Variants in TMEM131 observed in about 807,000 individuals in gnomAD.
The protein encoded by TMEM131 is 2610524E03Rik.
TMEM131 carries 66 observed loss-of-function variants against 211.6 expected under a neutral mutation model. The ratio of observed to expected loss-of-function variants is 0.31; its 90% CI spans 0.26 to 0.38. The LOEUF (loss-of-function observed/expected upper bound fraction) is 0.38, where lower values mean the gene tolerates loss of function less well. Ranked by LOEUF, TMEM131 falls within the 10% of genes least tolerant of loss-of-function variation. TMEM131 has a pLI of 1.00. For missense variants in TMEM131, 2,036 were observed against 2,299.3 expected, an observed-to-expected ratio of 0.89 and a Z score of 2.34; for synonymous variants, 844 against 841.3, an observed-to-expected ratio of 1.00 and a Z score of -0.06.
At chr2:97,813,938 A>AG in intron 15 of TMEM131, 33 bp downstream of exon 15, 1 of 1,487,414 alleles carries the variant, frequency 6.7e-7, no homozygotes, top group Non-Finnish European at 9.1e-7. Context: ...GTGGGCAGGG[A>AG]GTTTAAATGT....
intron 1 of TMEM131, among the ~76,000 whole-genome samples, chr2:97,972,854 AAGGAATGT>A (rs950674810): frequency 6.6e-6 from 1 of 152,204 alleles, no homozygotes; most frequent in Non-Finnish European, 1.5e-5. Flanking sequence ...GCTACAAGCC[AAGGAATGT>A]AGGTGGCCTC....
In TMEM131 at chr2:97,792,444, G is replaced by C; in HGVS notation, c.4086C>G (p.Asp1362Glu). Residue 1362 changes from aspartate to glutamate, a missense_variant, in exon 31 of 41, where the codon GAC becomes GAG. Physicochemically the swap from Asp to Glu is conservative, Grantham distance 45. This residue lies in a region of TMEM131 where 1,623 missense variants were observed against 1,805.9 expected (regional missense o/e 0.90). Coordinates refer to ENST00000186436, the MANE Select transcript of TMEM131 (RefSeq NM_015348.2). ...EAMDKDFDHHDSPALEVFTEQ... is the reference protein window; with the variant it reads ...EAMDKDFDHHESPALEVFTEQ... The stretch of plus-strand genomic sequence containing the variant: ...CTGTAAACACTTCTAGGGCTGGGGA[G>C]TCATGGTGGTCGAAGTCTTTGTCCA... 1.2e-6 allele frequency: 2 copies of C among 1,613,146 alleles called. No individual in the cohort carries two copies. Among genetic ancestry groups the C allele is most frequent in the Non-Finnish European group, 1.7e-6 (2 of 1,179,488 alleles).
intron 4 of TMEM131, among the ~76,000 whole-genome samples, chr2:97,861,800 C>G (rs1674079647): frequency 6.6e-6 from 1 of 152,160 alleles, no homozygotes; most frequent in Admixed American, 6.5e-5. Flanking sequence ...CCTGGGGGAA[C>G]TCACTGTCCT....
At position 97,792,425 on chromosome 2, in the gene TMEM131, A is replaced by T. The variant is rs1680539751; in HGVS notation, c.4105T>A (p.Phe1369Ile). The change falls in exon 31 of 41, where the codon TTT becomes ATT. Residue 1369 changes from phenylalanine (F) to isoleucine (I), a missense_variant. Around this residue, in one of 3 missense-constraint regions of TMEM131, gnomAD observed 1,623 missense variants for 1,805.9 expected, o/e 0.90. Transcript: ENST00000186436. ...AATGGCGATGGAGGCTGCTCTGTAA[A>T]CACTTCTAGGGCTGGGGAGTCATGG... The part of the protein sequence containing the change: ...DHHDSPALEV[F>I]TEQPPSPLPK... The T allele has an allele frequency of 6.2e-7, 1 of 1,606,102 alleles. No individual in the cohort carries two copies. Among genetic ancestry groups the T allele is most frequent in the African/African-American group, 1.3e-5 (1 of 74,366 alleles).
At chr2:97,934,412 T>C (rs1371305062) in intron 1 of TMEM131, among the ~76,000 whole-genome samples, 1 of 152,158 alleles carries the variant, frequency 6.6e-6, no homozygotes, top group African/African-American at 2.4e-5. Flanking sequence ...TATTCATGGA[T>C]TAAAAGACTC....
intron 1 of TMEM131, among the ~76,000 whole-genome samples, chr2:97,931,646 T>C (rs1028228535): frequency 6.6e-6 from 1 of 152,200 alleles, no homozygotes; most frequent in South Asian, 2.1e-4. Context: ...TAGGTTGTCA[T>C]TGCATATCTT....
intron 22 of TMEM131, among the ~76,000 whole-genome samples, chr2:97,804,368 G>C (rs1293880277): frequency 6.6e-6 from 1 of 152,066 alleles, no homozygotes; most frequent in Non-Finnish European, 1.5e-5. Flanking sequence ...TCAGCACTTA[G>C]AAAGGAAGGG....
In TMEM131 at chr2:97,995,545, C is replaced by A; in HGVS notation, c.118G>T (p.Ala40Ser). The part of the protein sequence containing the change: ...ARSGGPRSAA[A>S]GLLGALHLVM... ...AGGTGCAGCGCGCCTAGGAGGCCGG[C>A]GGCCGCGCTCCGCGGGCCCCCGCTA... The change falls in exon 1 of 41, where the codon GCC becomes TCC. Residue 40 changes from alanine to serine, a missense_variant. Ala to Ser is a moderately conservative substitution (Grantham distance 99). Transcript: ENST00000186436. 13 of 1,336,574 alleles carry A rather than the reference C, an allele frequency of 9.7e-6. No individual in the cohort carries two copies. The highest frequency in any genetic ancestry group is 1.2e-5 in the Non-Finnish European group (12 of 1,039,602). The allele number at this position is 1,336,574 out of a possible 1,614,324, so 82.8% of individuals were successfully genotyped here.
intron 1 of TMEM131, among the ~76,000 whole-genome samples, chr2:97,932,118 G>T (rs138302936): frequency 0.028 from 4,146 of 150,410 alleles, 61 homozygotes; most frequent in Middle Eastern, 0.062. Flanking sequence ...CTCCAGCTTG[G>T]GTGACAGAAC....
rs1286293223 is a variant in TMEM131, at chr2:97,841,903, A to C, written c.635T>G (p.Leu212Trp). The change falls in exon 7 of 41, where the codon TTG becomes TGG. Residue 212 changes from leucine to tryptophan, a missense_variant. Coordinates refer to ENST00000186436, the MANE Select transcript of TMEM131 (RefSeq NM_015348.2). ...FGVGVPNPYR[L>W]RPFLGARVPV... ...GACTCTGGCCCCAAGGAACGGCCTC[A>C]ATCGATATGGATTTGGAACTCCAAC... is the stretch of plus-strand genomic sequence containing the variant. 2 of 1,591,154 alleles carry C rather than the reference A, an allele frequency of 1.3e-6. No homozygotes were observed. Among genetic ancestry groups the C allele is most frequent in the Admixed American group, 3.5e-5 (2 of 57,290 alleles).
chr2:97,904,086 T>C (rs1442114181), intron 3 of TMEM131, among the ~76,000 whole-genome samples: 2 of 152,174 alleles, frequency 1.3e-5, no homozygotes, highest in Non-Finnish European at 2.9e-5. Flanking sequence ...AAATTAAATA[T>C]GAGGGTCTGA....
chr2:97,837,200 T>G, intron 7 of TMEM131, 43 bp from the exon 8 acceptor site: 1 of 1,449,622 alleles, frequency 6.9e-7, no homozygotes, highest in Middle Eastern at 1.8e-4. Flanking sequence ...AAAGTCATAT[T>G]CTCAAAGCAG....
chr2:97,981,602 A>ATAACAGC (rs1679802112), intron 1 of TMEM131, among the ~76,000 whole-genome samples: 1 of 152,198 alleles, frequency 6.6e-6, no homozygotes, highest in South Asian at 2.1e-4. Flanking sequence ...AACTTGTTTA[A>ATAACAGC]TAACAGCTCC....
chr2:97,956,693 T>A (rs1269651212), intron 1 of TMEM131, among the ~76,000 whole-genome samples: 9 of 62,100 alleles, frequency 1.4e-4, no homozygotes, highest in African/African-American at 2.1e-4. Flanking sequence ...AAACTAGATT[T>A]TTTTTTTACT....
At chr2:97,989,607 TTA>T (rs1680175446) in intron 1 of TMEM131, among the ~76,000 whole-genome samples, 1 of 152,198 alleles carries the variant, frequency 6.6e-6, no homozygotes, top group Non-Finnish European at 1.5e-5. Flanking sequence ...AAGTATTTTG[TTA>T]TGTGTTTTTT....
At chr2:97,895,113 C>T (rs573380154) in intron 3 of TMEM131, among the ~76,000 whole-genome samples, 168 of 152,274 alleles carry the variant, frequency 1.1e-3, no homozygotes, top group African/African-American at 3.9e-3. Flanking sequence ...GCCTTTTCTG[C>T]ATCTATTGAG....
intron 1 of TMEM131, among the ~76,000 whole-genome samples, chr2:97,994,565 G>A (rs1680406915): frequency 2.0e-5 from 3 of 151,972 alleles, no homozygotes. Flanking sequence ...GCAGTTTCAT[G>A]TGCAATGCTA....
At position 97,995,668 on chromosome 2, in the gene TMEM131, C is replaced by T; in HGVS notation, c.-6G>A. The T allele has an allele frequency of 8.3e-7, 1 of 1,205,038 alleles. No individual in the cohort carries two copies. 74.6% of individuals were successfully genotyped at this position (1,205,038 alleles called of 1,614,324 possible). ...CCTCCCGCCCGCTTCCCCATCCCTG[C>T]CGGCCGGGGGCCGCCGCGCTCGAGG... On this transcript the variant is annotated 5_prime_UTR_variant, in exon 1 of 41. Transcript: ENST00000186436.
At chr2:97,879,645 C>A (rs1424581943) in intron 4 of TMEM131, among the ~76,000 whole-genome samples, 1 of 152,216 alleles carries the variant, frequency 6.6e-6, no homozygotes, top group Non-Finnish European at 1.5e-5. Context: ...CTATCACTTC[C>A]TCCTCAGCCT....
Sources: allele counts gnomAD v4.1 joint callset (sites outside exome capture counted in the v4.1 genomes callset), GRCh38; gene constraint gnomAD v4.1.1; regional missense constraint gnomAD v4.1.1; transcripts MANE v1.5; gene names NCBI Gene and HGNC (gene_info 2026-07-23, HGNC 2026-07-21).